The following USP48 variants were observed in gnomAD, a reference collection of about 807,000 sequenced individuals.
USP48 encodes ubiquitin carboxyl-terminal hydrolase 48.
USP48 carries 43 observed loss-of-function variants against 150.7 expected under a neutral mutation model. That is an observed-to-expected ratio of 0.29 (90% CI 0.22 to 0.37). The LOEUF (loss-of-function observed/expected upper bound fraction) is 0.37. Ranked by LOEUF, USP48 falls within the 10% of genes least tolerant of loss-of-function variation. The probability of loss-of-function intolerance (pLI) is 1.00; values close to 1 mark genes in which losing one functional copy is unlikely to be tolerated. For missense variants in USP48, 813 were observed against 1,249.6 expected, an observed-to-expected ratio of 0.65 and a Z score of 5.27; for synonymous variants, 396 against 425.9, an observed-to-expected ratio of 0.93 and a Z score of 0.86.
At chr1:21,778,852 C>T (rs1324986147) in intron 1 of USP48, among the ~76,000 whole-genome samples, 1 of 151,578 alleles carries the variant, frequency 6.6e-6, no homozygotes, top group East Asian at 2.0e-4. Context: ...CGGGTTCGTG[C>T]CATTCTCCTG....
At chr1:21,778,985 G>C (rs1012023865) in intron 1 of USP48, among the ~76,000 whole-genome samples, 2 of 151,942 alleles carry the variant, frequency 1.3e-5, no homozygotes, top group Admixed American at 1.3e-4. Context: ...GTTTCACCAC[G>C]TTAGCCAGGA....
At chr1:21,734,649 C>T (rs2097764678) in intron 9 of USP48, among the ~76,000 whole-genome samples, 2 of 152,218 alleles carry the variant, frequency 1.3e-5, no homozygotes, top group Non-Finnish European at 2.9e-5. Flanking sequence ...ATACCATAGT[C>T]TGAACCTCAT....
At chr1:21,717,335 T>TG (rs975693040) in intron 14 of USP48, among the ~76,000 whole-genome samples, 14 of 151,962 alleles carry the variant, frequency 9.2e-5, no homozygotes, top group African/African-American at 3.4e-4. Flanking sequence ...GCCCATGAGG[T>TG]GGAGGCTGCA....
intron 19 of USP48, among the ~76,000 whole-genome samples, chr1:21,704,930 T>A (rs2097667811): frequency 6.6e-6 from 1 of 151,848 alleles, no homozygotes; most frequent in African/African-American, 2.4e-5. Flanking sequence ...AGTCTGACAT[T>A]TGCAATAACA....
rs567354104 is a variant in USP48 at position 21,754,135 on chromosome 1, T to C, written c.413-1016A>G. On this transcript the variant is annotated intron_variant, in intron 3 of 26. Transcript: ENST00000308271. ...AAGATTGTGCCACTGCACTCCAGCC[T>C]GGGCAACAGAGTGAGACTCCATCTG... is the stretch of plus-strand genomic sequence containing the variant. 2.6e-5 allele frequency among the ~76,000 whole-genome samples: 4 copies of C among 151,768 alleles called. No individual in the cohort carries two copies. The East Asian group carries it at 7.7e-4, about 29-fold the overall frequency.
In USP48 at chr1:21,704,379, A is replaced by G; in HGVS notation, c.2398T>C (p.Trp800Arg). 6.2e-7 allele frequency: 1 copy of G among 1,613,118 alleles called. No homozygotes were observed. The highest frequency in any genetic ancestry group is 8.5e-7 in the Non-Finnish European group (1 of 1,179,684). ...KEDSKLIALI[W>R]PSEWQMIQKL... ...TGTATCATTTGCCACTCACTGGGCCATATGAGAGCTATACTGTGCAAAAAA... is the reference window on the plus strand; with the variant it reads ...TGTATCATTTGCCACTCACTGGGCCGTATGAGAGCTATACTGTGCAAAAAA... The change falls in exon 20 of 27, where the codon TGG (tryptophan) becomes CGG (arginine). Residue 800 changes from tryptophan to arginine, a missense_variant. By Grantham distance (101) the Trp-to-Arg change is moderately radical. Coordinates refer to ENST00000308271, the MANE Select transcript of USP48 (RefSeq NM_032236.8).
At chr1:21,706,966 C>T (rs759596927) in intron 15 of USP48, 98 bp from the exon 16 acceptor site, 111 of 1,336,868 alleles carry the variant, frequency 8.3e-5, no homozygotes, top group Non-Finnish European at 1.0e-4. Flanking sequence ...TCCACAGGTA[C>T]GCTTTTCTTG....
At chr1:21,773,873 C>A (rs2097889509) in intron 1 of USP48, among the ~76,000 whole-genome samples, 1 of 152,100 alleles carries the variant, frequency 6.6e-6, no homozygotes, top group Non-Finnish European at 1.5e-5. Context: ...CACAGTGGCT[C>A]ACACCTGTAA....
At chr1:21,764,637 C>T (rs1210542772) in intron 1 of USP48, among the ~76,000 whole-genome samples, 2 of 141,770 alleles carry the variant, frequency 1.4e-5, no homozygotes, top group Non-Finnish European at 3.0e-5. Flanking sequence ...ACCCGGGAGG[C>T]GGAGGTTGCA....
intron 3 of USP48, among the ~76,000 whole-genome samples, chr1:21,755,857 A>C (rs333206): frequency 0.076 from 11,598 of 151,734 alleles, 500 homozygotes; most frequent in Middle Eastern, 0.11. Flanking sequence ...AGAGCAAGAC[A>C]CTGTCTCTAT....
In USP48 at chr1:21,757,801, A is replaced by C. The variant is rs779894154; in HGVS notation, c.135-18T>G. 9.5e-6 allele frequency: 15 copies of C among 1,572,132 alleles called. No homozygotes were observed. The highest frequency in any genetic ancestry group is 6.0e-5 in the South Asian group (5 of 83,126). ...AGTTTCGTCTAAGGGGAAAAAAAAA[A>C]CCTTTAATTTTTAAAAGACCATAGT... On this transcript the variant is annotated intron_variant, in intron 1 of 26. Coordinates refer to ENST00000308271, the MANE Select transcript of USP48 (RefSeq NM_032236.8).
chr1:21,689,313 G>GAA lies in USP48; in HGVS notation c.3009+659_3009+660dup, dbSNP rs36100530. On this transcript the variant is annotated intron_variant, in intron 24 of 26. Coordinates refer to ENST00000308271, the MANE Select transcript of USP48 (RefSeq NM_032236.8). ...ACAGATCCATCTAGTCCAAAAAAAG[G>GAA]AAAAAAAAAAAAGCGGGGGGCGGGG... 6.1e-3 allele frequency among the ~76,000 whole-genome samples: 489 copies of GAA among 80,042 alleles called. 4 individuals carry two copies. The highest frequency in any genetic ancestry group is 0.02 in the African/African-American group (468 of 22,926). The allele number at this position is 80,042 out of a possible 152,430, so 52.5% of individuals were successfully genotyped here.
intron 12 of USP48, among the ~76,000 whole-genome samples, chr1:21,723,205 C>T (rs887344240): frequency 6.6e-6 from 1 of 152,142 alleles, no homozygotes; most frequent in Admixed American, 6.5e-5. Flanking sequence ...TAACCATCTA[C>T]AGCTCACACA....
intron 8 of USP48, among the ~76,000 whole-genome samples, 197 bp from the exon 9 acceptor site, chr1:21,736,822 A>G (rs1329263189): frequency 6.6e-6 from 1 of 152,226 alleles, no homozygotes; most frequent in Non-Finnish European, 1.5e-5. Context: ...CACTCTGAAC[A>G]GCACACTGTA....
intron 21 of USP48, among the ~76,000 whole-genome samples, chr1:21,702,704 T>C (rs1453030224): frequency 6.6e-6 from 1 of 152,192 alleles, no homozygotes; most frequent in Non-Finnish European, 1.5e-5. Flanking sequence ...GTTCATTCCA[T>C]ATCATGATCC....
intron 13 of USP48, among the ~76,000 whole-genome samples, 194 bp downstream of exon 13, chr1:21,721,456 C>T (rs762968989): frequency 6.6e-6 from 1 of 152,228 alleles, no homozygotes. Context: ...GGCTATCTGA[C>T]TCAGCAGTTT....
At chr1:21,752,401 T>C in intron 5 of USP48, 126 bp downstream of exon 5, 2 of 1,131,646 alleles carry the variant, frequency 1.8e-6, no homozygotes, top group Non-Finnish European at 2.5e-6. Context: ...AATGTATTAC[T>C]ATAAATATTT....
chr1:21,742,902 A>C (rs915861107), intron 8 of USP48, among the ~76,000 whole-genome samples: 4 of 152,252 alleles, frequency 2.6e-5, no homozygotes, highest in Non-Finnish European at 5.9e-5. Context: ...GAAGCAACAA[A>C]ACAACACTGC....
intron 15 of USP48, among the ~76,000 whole-genome samples, chr1:21,709,057 G>A (rs997737277): frequency 6.6e-6 from 1 of 151,902 alleles, no homozygotes; most frequent in Non-Finnish European, 1.5e-5. Context: ...TAACAGGCAT[G>A]AGCCACCATG....
Sources: allele counts gnomAD v4.1 joint callset (sites outside exome capture counted in the v4.1 genomes callset), GRCh38; gene constraint gnomAD v4.1.1; transcripts MANE v1.5; gene names NCBI Gene and HGNC (gene_info 2026-07-23, HGNC 2026-07-21).